TCF25: variants seen among roughly 807,000 people sequenced by gnomAD.
The protein encoded by TCF25 is TCF25 ribosome quality control complex subunit, also known as ribosome quality control complex subunit TCF25.
TCF25 carries 41 observed loss-of-function variants against 83.1 expected under a neutral mutation model. That is an observed-to-expected ratio of 0.49 (90% CI 0.38 to 0.64). The LOEUF is 0.64. Among genes scored for constraint, TCF25 ranks in the 30% least tolerant of loss-of-function variants. The pLI is 0.00. For missense variants in TCF25, 979 were observed against 914.5 expected, an observed-to-expected ratio of 1.07 and a Z score of -0.91; for synonymous variants, 458 against 365.0, an observed-to-expected ratio of 1.25 and a Z score of -2.90.
chr16:89,900,454 A>G (rs770158794), intron 11 of TCF25, among the ~76,000 whole-genome samples, 181 bp from the exon 12 acceptor site: 4 of 152,094 alleles, frequency 2.6e-5, no homozygotes, highest in Non-Finnish European at 5.9e-5. Flanking sequence ...CTGCATGCGG[A>G]AAGCCCCCCA....
intron 1 of TCF25, among the ~76,000 whole-genome samples, chr16:89,880,596 A>C (rs1028375280): frequency 1.3e-5 from 2 of 152,110 alleles, no homozygotes; most frequent in African/African-American, 2.4e-5. Flanking sequence ...AAAAAGAAAA[A>C]AAAAAAAGTA....
chr16:89,894,927 G>A, intron 7 of TCF25, 111 bp from the exon 8 acceptor site: 2 of 859,186 alleles, frequency 2.3e-6, no homozygotes, highest in Non-Finnish European at 3.6e-6. Context: ...TTACAGGCGT[G>A]AGCCACTGCG....
intron 5 of TCF25, among the ~76,000 whole-genome samples, chr16:89,891,845 C>T (rs573926407): frequency 6.6e-6 from 1 of 152,078 alleles, no homozygotes; most frequent in Non-Finnish European, 1.5e-5. Flanking sequence ...ATTTTTAAAA[C>T]CCTTTGTAGA....
At chr16:89,885,609 A>G (rs1296287138) in intron 3 of TCF25, among the ~76,000 whole-genome samples, 1 of 152,170 alleles carries the variant, frequency 6.6e-6, no homozygotes, top group East Asian at 1.9e-4. Flanking sequence ...GTGATGTGGA[A>G]TGCCCAGTTT....
chr16:89,906,233 C>G lies in TCF25; in HGVS notation c.1668C>G (p.His556Gln). ...VLYQRAPRNIHRHVILSEIKE... is the reference protein window; with the variant it reads ...VLYQRAPRNIQRHVILSEIKE... ...ACCAGCGTGCACCCAGGAATATCCA[C>G]CGCCATGTGATCCTCTCTGAGATCA... The change falls in exon 15 of 18, where the codon CAC (histidine) becomes CAG (glutamine). Residue 556 changes from histidine to glutamine, a missense_variant. His to Gln is a conservative substitution (Grantham distance 24). Transcript: ENST00000263346. 1 of 1,613,462 alleles carries G rather than the reference C, an allele frequency of 6.2e-7. No homozygotes were observed. Among genetic ancestry groups the G allele is most frequent in the Non-Finnish European group, 8.5e-7 (1 of 1,180,004 alleles).
At chr16:89,900,113 G>A (rs1431770451) in intron 11 of TCF25, among the ~76,000 whole-genome samples, 2 of 152,210 alleles carry the variant, frequency 1.3e-5, no homozygotes, top group Non-Finnish European at 2.9e-5. Flanking sequence ...AAAACTGTGA[G>A]TCTGTGATCC....
At chr16:89,886,028 C>G (rs557809045) in intron 4 of TCF25, 62 bp downstream of exon 4, 1 of 1,416,248 alleles carries the variant, frequency 7.1e-7, no homozygotes, top group Non-Finnish European at 9.9e-7. Context: ...CTGCGGCTGC[C>G]CTTCTCTGCG....
intron 5 of TCF25, 25 bp from the exon 6 acceptor site, chr16:89,892,168 T>G: frequency 6.3e-7 from 1 of 1,585,866 alleles, no homozygotes; most frequent in African/African-American, 1.4e-5. Flanking sequence ...GAAGTAAAGC[T>G]GTACCTGTGT....
chr16:89,909,509 CAAAAAAA>C (rs11356338), intron 16 of TCF25: 7 of 63,998 alleles, frequency 1.1e-4, no homozygotes, highest in African/African-American at 2.1e-4. Context: ...GACTCCGTCT[CAAAAAAA>C]AAAAAAAAAA....
chr16:89,879,972 ATCCCAG>A (rs2042481269), intron 1 of TCF25, among the ~76,000 whole-genome samples: 1 of 137,134 alleles, frequency 7.3e-6, no homozygotes, highest in Non-Finnish European at 1.6e-5. Flanking sequence ...AACAGTCAGG[ATCCCAG>A]GACTATCACG....
At chr16:89,907,798 C>T (rs529805491) in intron 16 of TCF25, among the ~76,000 whole-genome samples, 1 of 29,442 alleles carries the variant, frequency 3.4e-5, no homozygotes, top group Non-Finnish European at 6.3e-5. Flanking sequence ...CCTCCCAGCT[C>T]CCACCTCCCA....
At chr16:89,887,857 G>T in intron 5 of TCF25, 140 bp downstream of exon 5, 1 of 682,252 alleles carries the variant, frequency 1.5e-6, no homozygotes, top group Non-Finnish European at 2.3e-6. Context: ...CTTAGAATTG[G>T]GGTCTGAATG....
At chr16:89,877,099 C>CT (rs1380346782) in intron 1 of TCF25, among the ~76,000 whole-genome samples, 2 of 143,256 alleles carry the variant, frequency 1.4e-5, no homozygotes, top group African/African-American at 5.9e-5. Context: ...GAGACTCTGT[C>CT]TCAAAAAAAT....
chr16:89,880,786 G>A (rs2143962772), intron 1 of TCF25, among the ~76,000 whole-genome samples: 1 of 152,270 alleles, frequency 6.6e-6, no homozygotes, highest in African/African-American at 2.4e-5. Context: ...GTTGAATGTT[G>A]GAGATGGTGT....
chr16:89,899,467 C>T (rs1389633039), intron 11 of TCF25, among the ~76,000 whole-genome samples: 1 of 152,224 alleles, frequency 6.6e-6, no homozygotes, highest in African/African-American at 2.4e-5. Flanking sequence ...CATGGTGGCT[C>T]ACGCCTGTAA....
rs772271083 is a variant in TCF25 at position 89,900,727 on chromosome 16, T to C, written c.1314T>C (p.Cys438=). The part of the protein sequence containing the change: ...LLSQQTDLPE[C]EQSSARQKAS... Reference sequence around the variant, plus strand: ...GCCAGCAGACAGACCTCCCTGAGTGTGAGCAGAGCTCTGCCAGGCAGAAGG... The same window carrying C: ...GCCAGCAGACAGACCTCCCTGAGTGCGAGCAGAGCTCTGCCAGGCAGAAGG... Residue 438 remains cysteine (C), a synonymous_variant, in exon 12 of 18, where the codon TGT becomes TGC. Transcript: ENST00000263346. The C allele has an allele frequency of 1.2e-6, 2 of 1,602,754 alleles. No homozygotes were observed. Among genetic ancestry groups the C allele is most frequent in the East Asian group, 2.2e-5 (1 of 44,512 alleles).
At chr16:89,894,848 T>G (rs1288963881) in intron 7 of TCF25, 190 bp from the exon 8 acceptor site, 1 of 475,478 alleles carries the variant, frequency 2.1e-6, no homozygotes, top group African/African-American at 2.0e-5. Context: ...TTTTGCCACG[T>G]TGGCCAGGCT....
chr16:89,907,013 C>T (rs1317519399), intron 15 of TCF25, among the ~76,000 whole-genome samples: 2 of 152,070 alleles, frequency 1.3e-5, no homozygotes, highest in South Asian at 2.1e-4. Context: ...AGGGCAGACG[C>T]CGTGCAGGTT....
At chr16:89,881,704 C>G (rs2042620478) in intron 1 of TCF25, among the ~76,000 whole-genome samples, 1 of 151,880 alleles carries the variant, frequency 6.6e-6, no homozygotes, top group Admixed American at 6.6e-5. Flanking sequence ...CTCAGCCTCC[C>G]AAAGCGCTGG....
Sources: allele counts gnomAD v4.1 joint callset (sites outside exome capture counted in the v4.1 genomes callset), GRCh38; gene constraint gnomAD v4.1.1; transcripts MANE v1.5; gene names NCBI Gene and HGNC (gene_info 2026-07-23, HGNC 2026-07-21).